HDAC9: variants seen among roughly 807,000 people sequenced by gnomAD.
HDAC9 encodes histone deacetylase 9.
Under a neutral mutation model 139.4 loss-of-function variants are expected in HDAC9, and 41 were observed. The observed-to-expected ratio is 0.29, with a 90% confidence interval of 0.23 to 0.38. The LOEUF (loss-of-function observed/expected upper bound fraction) is 0.38, where lower values mean the gene tolerates loss of function less well. Among genes scored for constraint, HDAC9 ranks in the 10% least tolerant of loss-of-function variants. The pLI is 1.00. For synonymous variants in HDAC9, 517 were observed against 476.2 expected, an observed-to-expected ratio of 1.09 and a Z score of -1.12; for missense variants, 1,147 against 1,297.0, an observed-to-expected ratio of 0.88 and a Z score of 1.78.
At chr7:18,261,911 A>C (rs1012323418) in intron 2 of HDAC9, among the ~76,000 whole-genome samples, 2 of 152,258 alleles carry the variant, frequency 1.3e-5, no homozygotes, top group African/African-American at 4.8e-5. Context: ...TCATTTTAAC[A>C]TAGTGATTTG....
intron 18 of HDAC9, 97 bp from the exon 19 acceptor site, chr7:18,829,364 G>A: frequency 8.9e-7 from 1 of 1,125,226 alleles, no homozygotes; most frequent in Non-Finnish European, 1.4e-6. Context: ...TGGCTTCAGA[G>A]ATCATATAGC....
intron 2 of HDAC9, among the ~76,000 whole-genome samples, chr7:18,513,393 A>G (rs1244113790): frequency 6.6e-6 from 1 of 152,228 alleles, no homozygotes; most frequent in East Asian, 1.9e-4. Flanking sequence ...AATTTAGTCA[A>G]AGAAGAAAGG....
intron 24 of HDAC9, among the ~76,000 whole-genome samples, chr7:18,973,197 C>G (rs1784355925): frequency 1.3e-5 from 2 of 152,132 alleles, no homozygotes; most frequent in African/African-American, 4.8e-5. Flanking sequence ...CGAGCACAGT[C>G]TTGGCACATA....
intron 2 of HDAC9, among the ~76,000 whole-genome samples, chr7:18,218,063 G>A (rs2128173277): frequency 6.6e-6 from 1 of 152,214 alleles, no homozygotes; most frequent in African/African-American, 2.4e-5. Flanking sequence ...TGGTTTTTTT[G>A]CCATGTGGGC....
chr7:18,371,772 A>G (rs1784612291), intron 1 of HDAC9, among the ~76,000 whole-genome samples: 1 of 152,192 alleles, frequency 6.6e-6, no homozygotes. Flanking sequence ...TAAGGACATC[A>G]ATTTCCACTG....
At chr7:18,188,587 A>T (rs1410857795) in intron 2 of HDAC9, among the ~76,000 whole-genome samples, 2 of 152,232 alleles carry the variant, frequency 1.3e-5, no homozygotes, top group African/African-American at 4.8e-5. Context: ...AAATTTTTGC[A>T]ATCTACCCAT....
At chr7:18,275,639 G>A (rs1455126845) in intron 2 of HDAC9, among the ~76,000 whole-genome samples, 5 of 152,130 alleles carry the variant, frequency 3.3e-5, no homozygotes, top group Non-Finnish European at 5.9e-5. Context: ...CCTGCCTCAA[G>A]TGCTCCCACC....
chr7:18,904,784 C>G (rs1802067296), intron 22 of HDAC9, among the ~76,000 whole-genome samples: 1 of 151,960 alleles, frequency 6.6e-6, no homozygotes, highest in Non-Finnish European at 1.5e-5. Context: ...ACCATGTTAG[C>G]CAGGATGGTC....
intron 6 of HDAC9, among the ~76,000 whole-genome samples, chr7:18,612,249 A>G (rs1356496380): frequency 6.6e-6 from 1 of 152,118 alleles, no homozygotes; most frequent in Non-Finnish European, 1.5e-5. Context: ...GTACAGTTAT[A>G]AGAAAACAAT....
chr7:18,404,457 A>G (rs1028159235), intron 1 of HDAC9, among the ~76,000 whole-genome samples: 1 of 152,264 alleles, frequency 6.6e-6, no homozygotes, highest in Non-Finnish European at 1.5e-5. Flanking sequence ...GGATTACGCT[A>G]GACTGTAAGT....
At chr7:18,684,578 A>G (rs758796777) in intron 12 of HDAC9, among the ~76,000 whole-genome samples, 3 of 151,974 alleles carry the variant, frequency 2.0e-5, no homozygotes, top group Non-Finnish European at 4.4e-5. Flanking sequence ...ACTGTGTCCT[A>G]ATGAGTGTGA....
intron 1 of HDAC9, among the ~76,000 whole-genome samples, chr7:18,402,369 G>A (rs905595992): frequency 2.0e-5 from 3 of 152,142 alleles, no homozygotes; most frequent in African/African-American, 7.2e-5. Context: ...TAAAGACTGA[G>A]TAGGAATCTT....
chr7:18,161,494 G>T (rs1348013283), intron 1 of HDAC9, among the ~76,000 whole-genome samples: 1 of 152,110 alleles, frequency 6.6e-6, no homozygotes, highest in Non-Finnish European at 1.5e-5. Flanking sequence ...AAAAGCTGCT[G>T]CTTTTTTCTT....
intron 12 of HDAC9, among the ~76,000 whole-genome samples, chr7:18,680,400 AT>A (rs1781812756): frequency 6.6e-6 from 1 of 152,036 alleles, no homozygotes; most frequent in Non-Finnish European, 1.5e-5. Context: ...TTTAGTTGGT[AT>A]AGAAATGTGT....
At chr7:18,656,516 G>A (rs1791236933) in intron 11 of HDAC9, among the ~76,000 whole-genome samples, 1 of 152,032 alleles carries the variant, frequency 6.6e-6, no homozygotes, top group Non-Finnish European at 1.5e-5. Context: ...GATTTTTCAA[G>A]AGAAGTTTCT....
intron 1 of HDAC9, among the ~76,000 whole-genome samples, chr7:18,379,605 C>T (rs553101672): frequency 6.6e-6 from 1 of 152,182 alleles, no homozygotes; most frequent in Admixed American, 6.5e-5. Context: ...GTTTCACAAA[C>T]AGTTCTTAAA....
intron 1 of HDAC9, among the ~76,000 whole-genome samples, chr7:18,104,797 C>T (rs1370145870): frequency 6.6e-6 from 1 of 152,036 alleles, no homozygotes; most frequent in Non-Finnish European, 1.5e-5. Context: ...TAAGGGAGAT[C>T]ACAAATTGGC....
At chr7:18,722,126 A>C (rs1242333807) in intron 12 of HDAC9, among the ~76,000 whole-genome samples, 2 of 152,224 alleles carry the variant, frequency 1.3e-5, no homozygotes, top group Admixed American at 1.3e-4. Context: ...TATAATGAAA[A>C]GTTGTCTTAC....
rs548983932 is a variant in HDAC9 at position 18,795,130 on chromosome 7, A to G, written c.2322+1678A>G. Among the ~76,000 whole-genome samples the G allele has an allele frequency of 3.9e-5, 6 of 152,204 alleles. No individual in the cohort carries two copies. In the South Asian group the frequency reaches 1.2e-3, roughly 32 times the overall value. Reference sequence around the variant, plus strand: ...AAACAATGTGTCAACAACACATAGTATGGGCATGCTGACCACCAGCTGTAG... The same window carrying G: ...AAACAATGTGTCAACAACACATAGTGTGGGCATGCTGACCACCAGCTGTAG... On this transcript the variant is annotated intron_variant, in intron 17 of 25. Coordinates refer to ENST00000686413, the MANE Select transcript of HDAC9 (RefSeq NM_178425.4).
Sources: gnomAD v4.1 joint callset for allele counts (sites outside exome capture counted in the v4.1 genomes callset) on GRCh38, gnomAD v4.1.1 for gene constraint, MANE v1.5 for transcripts, NCBI Gene and HGNC (gene_info 2026-07-23, HGNC 2026-07-21) for gene names.